The following GPC6 variants were observed in gnomAD, a reference collection of about 807,000 sequenced individuals.
The protein encoded by GPC6 is glypican-6.
A neutral mutation model predicts 55.2 loss-of-function variants in GPC6; 14 were observed. That is an observed-to-expected ratio of 0.25 (90% CI 0.17 to 0.40). The LOEUF is 0.40. GPC6 is among the 10% of genes least tolerant of loss of function. The pLI, the probability that GPC6 is intolerant of heterozygous loss-of-function variation, is 1.00. For synonymous variants in GPC6, 278 were observed against 259.6 expected (o/e 1.07, Z -0.68); for missense variants, 641 against 708.5 (o/e 0.90, Z 1.08).
intron 3 of GPC6, among the ~76,000 whole-genome samples, chr13:93,857,972 A>T (rs976807971): frequency 6.6e-6 from 1 of 151,502 alleles, no homozygotes; most frequent in Non-Finnish European, 1.5e-5. Flanking sequence ...TTCTTTTTTC[A>T]CTTTGAGAGT....
chr13:94,367,316 G>A (rs1482263943), intron 6 of GPC6, among the ~76,000 whole-genome samples: 1 of 152,190 alleles, frequency 6.6e-6, no homozygotes, highest in Non-Finnish European at 1.5e-5. Flanking sequence ...GATTCCCAAA[G>A]AACAAATGAC....
intron 4 of GPC6, among the ~76,000 whole-genome samples, chr13:94,045,372 GT>G (rs2138745347): frequency 6.6e-6 from 1 of 151,800 alleles, no homozygotes; most frequent in African/African-American, 2.4e-5. Context: ...ATATAATTTA[GT>G]TTCTTAGTAT....
chr13:93,927,773 TCAAG>T (rs1877938539), intron 3 of GPC6, among the ~76,000 whole-genome samples: 1 of 152,134 alleles, frequency 6.6e-6, no homozygotes, highest in South Asian at 2.1e-4. Context: ...TATGATTCAT[TCAAG>T]AATTTAACAC....
At chr13:93,480,650 C>G (rs961965322) in intron 1 of GPC6, among the ~76,000 whole-genome samples, 1 of 152,170 alleles carries the variant, frequency 6.6e-6, no homozygotes, top group South Asian at 2.1e-4. Context: ...AGTGGTCACT[C>G]CGTATTGCCC....
intron 1 of GPC6, among the ~76,000 whole-genome samples, chr13:93,475,821 T>G (rs757026281): frequency 6.6e-6 from 1 of 152,212 alleles, no homozygotes; most frequent in African/African-American, 2.4e-5. Flanking sequence ...TATTAAATAT[T>G]AAAATAGAGG....
chr13:93,825,769 G>A (rs1887210683), intron 2 of GPC6, among the ~76,000 whole-genome samples: 1 of 152,136 alleles, frequency 6.6e-6, no homozygotes, highest in South Asian at 2.1e-4. Flanking sequence ...AGGCAGGAGG[G>A]AAGACAGGCT....
At chr13:93,839,282 CT>C (rs1291870247) in intron 3 of GPC6, among the ~76,000 whole-genome samples, 4 of 152,026 alleles carry the variant, frequency 2.6e-5, no homozygotes, top group Non-Finnish European at 4.4e-5. Flanking sequence ...CATAAATAGG[CT>C]GTTACTGTTT....
At chr13:94,032,635 ATT>A (rs1472215152) in intron 4 of GPC6, among the ~76,000 whole-genome samples, 1 of 152,102 alleles carries the variant, frequency 6.6e-6, no homozygotes, top group Non-Finnish European at 1.5e-5. Flanking sequence ...GATTTGTGTT[ATT>A]TTTCATCAGC....
At chr13:94,246,177 T>C (rs2139031967) in intron 4 of GPC6, among the ~76,000 whole-genome samples, 1 of 152,268 alleles carries the variant, frequency 6.6e-6, no homozygotes, top group South Asian at 2.1e-4. Flanking sequence ...GAAATGTGTA[T>C]TCAAGTCCTT....
intron 2 of GPC6, among the ~76,000 whole-genome samples, chr13:93,617,223 A>G (rs1270381008): frequency 2.0e-5 from 3 of 152,216 alleles, no homozygotes; most frequent in African/African-American, 2.4e-5. Flanking sequence ...TTGCTATTCA[A>G]TTGTTACTTA....
At chr13:94,261,886 T>C (rs1052943060) in intron 4 of GPC6, among the ~76,000 whole-genome samples, 1 of 152,222 alleles carries the variant, frequency 6.6e-6, no homozygotes, top group African/African-American at 2.4e-5. Context: ...GACCTGGATG[T>C]AGGCTGTTCT....
At chr13:93,496,769 G>C (rs1409347821) in intron 1 of GPC6, among the ~76,000 whole-genome samples, 1 of 152,096 alleles carries the variant, frequency 6.6e-6, no homozygotes, top group Non-Finnish European at 1.5e-5. Context: ...TGGTAATTTA[G>C]AACCTATTCT....
chr13:94,290,470 G>T (rs1240191763), intron 5 of GPC6, among the ~76,000 whole-genome samples: 1 of 150,262 alleles, frequency 6.7e-6, no homozygotes, highest in Non-Finnish European at 1.5e-5. Flanking sequence ...AAAAGAAATT[G>T]GCCCAGTGCA....
intron 3 of GPC6, among the ~76,000 whole-genome samples, chr13:93,892,684 G>A (rs1470544867): frequency 1.3e-5 from 2 of 151,984 alleles, no homozygotes; most frequent in Admixed American, 1.3e-4. Flanking sequence ...TAGATGCCAA[G>A]AGACACACAG....
At chr13:93,891,425 G>A (rs1875674967) in intron 3 of GPC6, among the ~76,000 whole-genome samples, 1 of 152,062 alleles carries the variant, frequency 6.6e-6, no homozygotes, top group East Asian at 1.9e-4. Flanking sequence ...CCTTGGCCAT[G>A]CAATATGCTG....
At position 94,337,591 on chromosome 13, in the gene GPC6, G is replaced by A. The variant is rs549216938; in HGVS notation, c.1152+31468G>A. Among the ~76,000 whole-genome samples, 706 of 141,396 alleles carry A rather than the reference G, an allele frequency of 5.0e-3. 7 individuals carry two copies. Among genetic ancestry groups the A allele is most frequent in the African/African-American group, 0.017 (665 of 39,640 alleles). 92.8% of individuals were successfully genotyped at this position (141,396 alleles called of 152,430 possible). The stretch of plus-strand genomic sequence containing the variant: ...GCCTCCCAAGTAGCTGGGATTACAG[G>A]TGTGCACCACCACATCTGGCTAATT... On this transcript the variant is annotated intron_variant, in intron 6 of 8. Transcript: ENST00000377047.
At chr13:93,288,019 G>T (rs1223316579) in intron 1 of GPC6, among the ~76,000 whole-genome samples, 1 of 152,024 alleles carries the variant, frequency 6.6e-6, no homozygotes, top group Non-Finnish European at 1.5e-5. Context: ...CATCGGTTTT[G>T]ATTTTAAGTA....
At chr13:93,382,653 T>C (rs564362388) in intron 1 of GPC6, among the ~76,000 whole-genome samples, 11 of 152,324 alleles carry the variant, frequency 7.2e-5, no homozygotes, top group Admixed American at 6.5e-4. Context: ...TATAAAGACA[T>C]AAAAGGTGCT....
intron 1 of GPC6, among the ~76,000 whole-genome samples, chr13:93,264,420 T>A (rs1455250135): frequency 6.6e-6 from 1 of 152,154 alleles, no homozygotes. Context: ...AATTTATTAT[T>A]ATTTTTTGAG....
Sources: allele counts gnomAD v4.1 joint callset (sites outside exome capture counted in the v4.1 genomes callset), GRCh38; gene constraint gnomAD v4.1.1; transcripts MANE v1.5; gene names NCBI Gene and HGNC (gene_info 2026-07-23, HGNC 2026-07-21).